The following VIT variants were observed in gnomAD, a reference collection of about 807,000 sequenced individuals.
VIT encodes the protein vitrin.
In VIT, 99 loss-of-function variants were observed where a neutral mutation model predicts 78.0. That is an observed-to-expected ratio of 1.27 (90% CI 1.08 to 1.50). VIT has a LOEUF of 1.50. Ranked by LOEUF, VIT falls within the 40% of genes most tolerant of loss-of-function variation. The pLI, the probability that VIT is intolerant of heterozygous loss-of-function variation, is 0.00. For missense variants in VIT, 1,126 were observed against 875.3 expected, an observed-to-expected ratio of 1.29 and a Z score of -3.61; for synonymous variants, 374 against 334.3, an observed-to-expected ratio of 1.12 and a Z score of -1.29.
At chr2:36,808,372 G>T (rs1027239900) in intron 14 of VIT, 100 bp from the exon 15 acceptor site, 11 of 1,441,702 alleles carry the variant, frequency 7.6e-6, no homozygotes, top group Non-Finnish European at 1.0e-5. Flanking sequence ...GAAAACAAGG[G>T]CCTGCTTGCT....
At chr2:36,750,531 A>C (rs762112793) in intron 4 of VIT, among the ~76,000 whole-genome samples, 4 of 152,230 alleles carry the variant, frequency 2.6e-5, no homozygotes, top group Non-Finnish European at 5.9e-5. Flanking sequence ...ACATTAAAAT[A>C]ACATGTAATC....
chr2:36,747,717 G>A (rs1339838247), intron 4 of VIT, among the ~76,000 whole-genome samples: 10 of 152,160 alleles, frequency 6.6e-5, no homozygotes, highest in Admixed American at 6.5e-4. Flanking sequence ...TTGCCACACT[G>A]TGCCTTTTAA....
chr2:36,718,502 C>T (rs1215854635), intron 2 of VIT, among the ~76,000 whole-genome samples: 2 of 152,194 alleles, frequency 1.3e-5, no homozygotes, highest in African/African-American at 2.4e-5. Flanking sequence ...TGTAACATGG[C>T]TGCCAGAGAC....
intron 4 of VIT, among the ~76,000 whole-genome samples, chr2:36,752,688 G>A (rs1371161280): frequency 6.6e-6 from 1 of 152,142 alleles, no homozygotes; most frequent in African/African-American, 2.4e-5. Flanking sequence ...TCCTACATTG[G>A]TCAAGCCTCC....
chr2:36,708,588 G>T (rs1264712155), intron 1 of VIT, among the ~76,000 whole-genome samples: 4 of 152,310 alleles, frequency 2.6e-5, no homozygotes, highest in African/African-American at 9.6e-5. Flanking sequence ...ATTCAAGGCT[G>T]ACATGGCCCT....
At chr2:36,768,639 G>C (rs1351832809) in intron 7 of VIT, among the ~76,000 whole-genome samples, 2 of 152,156 alleles carry the variant, frequency 1.3e-5, no homozygotes, top group African/African-American at 4.8e-5. Context: ...CAGCTGGGAA[G>C]TGGCAGAACT....
chr2:36,796,903 T>A (rs1475653179), intron 12 of VIT, among the ~76,000 whole-genome samples: 1 of 152,190 alleles, frequency 6.6e-6, no homozygotes, highest in African/African-American at 2.4e-5. Context: ...AGTGAGAAAA[T>A]CTAGCCCACA....
chr2:36,729,581 G>C lies in VIT; in HGVS notation c.118+90G>C, dbSNP rs113442427. 645 of 1,397,750 alleles carry C rather than the reference G, an allele frequency of 4.6e-4. 4 individuals are homozygous for C. Among genetic ancestry groups the C allele is most frequent in the Middle Eastern group, 1.9e-4 (1 of 5,384 alleles). 86.6% of individuals were successfully genotyped at this position (1,397,750 alleles called of 1,614,324 possible). On this transcript the variant is annotated intron_variant, in intron 3 of 15. Transcript: ENST00000379242. ...CTTGTTTTAGGTAATTTTTGTTTTG[G>C]TTTGGTTTTTATCTCTATGTCAATT...
At chr2:36,797,977 G>T (rs552020447) in intron 12 of VIT, among the ~76,000 whole-genome samples, 4 of 152,104 alleles carry the variant, frequency 2.6e-5, no homozygotes, top group African/African-American at 9.7e-5. Context: ...GGCACGATTG[G>T]GGCTTTCCAG....
At chr2:36,731,418 C>T (rs1474594634) in intron 3 of VIT, among the ~76,000 whole-genome samples, 2 of 151,936 alleles carry the variant, frequency 1.3e-5, no homozygotes, top group East Asian at 1.9e-4. Context: ...GGACTACAGG[C>T]GCCCGCCACC....
chr2:36,750,026 GT>G (rs1171156991), intron 4 of VIT, among the ~76,000 whole-genome samples: 2 of 151,646 alleles, frequency 1.3e-5, no homozygotes, highest in African/African-American at 4.8e-5. Context: ...GAGTGAACTG[GT>G]TTTTCAAAGG....
chr2:36,810,503 G>A (rs946021443), intron 15 of VIT, among the ~76,000 whole-genome samples: 1 of 152,112 alleles, frequency 6.6e-6, no homozygotes, highest in Non-Finnish European at 1.5e-5. Context: ...AAAACCCCAA[G>A]TGATAATAAT....
At position 36,746,492 on chromosome 2, in the gene VIT, G is replaced by A. The variant is rs539887976; in HGVS notation, c.275+3236G>A. Among the ~76,000 whole-genome samples the A allele has an allele frequency of 5.5e-4, 84 of 152,022 alleles. No individual in the cohort carries two copies. In the Middle Eastern group the frequency reaches 0.01, roughly 18 times the overall value. ...TAATTCAATTTCCAAACTTGTTAGC[G>A]GTCTGTTTAGGATTTTCTTTCTAGT... On this transcript the variant is annotated intron_variant, in intron 4 of 15. Transcript: ENST00000379242.
At chr2:36,715,355 G>A (rs1176837109) in intron 1 of VIT, among the ~76,000 whole-genome samples, 2 of 152,068 alleles carry the variant, frequency 1.3e-5, no homozygotes, top group Non-Finnish European at 2.9e-5. Flanking sequence ...TGGCCAAGAT[G>A]GTGAAACCCA....
At chr2:36,710,640 A>T (rs1665745742) in intron 1 of VIT, among the ~76,000 whole-genome samples, 1 of 152,194 alleles carries the variant, frequency 6.6e-6, no homozygotes, top group Non-Finnish European at 1.5e-5. Context: ...AATGATATGA[A>T]TGTAAAATTG....
intron 12 of VIT, among the ~76,000 whole-genome samples, chr2:36,789,369 A>G (rs563587760): frequency 2.0e-5 from 3 of 152,332 alleles, no homozygotes; most frequent in East Asian, 3.9e-4. Flanking sequence ...TTCAGAAGAC[A>G]TCCAGTAAAT....
chr2:36,725,601 G>GT (rs1483170438), intron 2 of VIT, among the ~76,000 whole-genome samples: 23 of 104,210 alleles, frequency 2.2e-4, no homozygotes, highest in African/African-American at 6.8e-4. Context: ...TAGTTGAGGG[G>GT]TGGGGGGGGG....
chr2:36,716,003 A>G lies in VIT; in HGVS notation c.-18-350A>G, dbSNP rs80053266. 7.5e-3 allele frequency among the ~76,000 whole-genome samples: 1,140 copies of G among 152,330 alleles called. 12 individuals are homozygous for G. The highest frequency in any genetic ancestry group is 0.027 in the African/African-American group (1,102 of 41,554). ...TGAAGTATTAATAATTGTAATCTAA[A>G]TATGTTTTCTGAATGCCATAAATGT... is the stretch of plus-strand genomic sequence containing the variant. On this transcript the variant is annotated intron_variant, in intron 1 of 15. Coordinates refer to ENST00000379242, the MANE Select transcript of VIT (RefSeq NM_053276.4).
At chr2:36,745,234 G>C (rs557620723) in intron 4 of VIT, among the ~76,000 whole-genome samples, 1 of 151,940 alleles carries the variant, frequency 6.6e-6, no homozygotes, top group African/African-American at 2.4e-5. Context: ...GTAGTATTAA[G>C]TCTGATAATG....
Sources: gnomAD v4.1 joint callset for allele counts (sites outside exome capture counted in the v4.1 genomes callset) on GRCh38, gnomAD v4.1.1 for gene constraint, MANE v1.5 for transcripts, NCBI Gene and HGNC (gene_info 2026-07-23, HGNC 2026-07-21) for gene names.